ARCN1: variants seen among roughly 807,000 people sequenced by gnomAD.
ARCN1 encodes the protein coatomer subunit delta.
A neutral mutation model predicts 60.4 loss-of-function variants in ARCN1; 5 were observed. The observed-to-expected ratio is 0.08, with a 90% CI of 0.04 to 0.17. The LOEUF (loss-of-function observed/expected upper bound fraction) is 0.17, where lower values mean the gene tolerates loss of function less well. Among genes scored for constraint, ARCN1 ranks in the 10% least tolerant of loss-of-function variants. ARCN1 has a pLI of 1.00. For synonymous variants in ARCN1, 224 were observed against 220.0 expected, an observed-to-expected ratio of 1.02 and a Z score of -0.16; for missense variants, 464 against 626.5, an observed-to-expected ratio of 0.74 and a Z score of 2.77.
intron 1 of ARCN1, among the ~76,000 whole-genome samples, chr11:118,578,874 CTTTTTTTTTTTTTTTT>C (rs56050047): frequency 1.1e-4 from 9 of 83,454 alleles, no homozygotes; most frequent in Non-Finnish European, 1.8e-4. Flanking sequence ...CCCCGTCTCT[CTTTTTTTTTTTTTTTT>C]TTTTTTTTTT....
chr11:118,572,463 G>C lies in ARCN1; in HGVS notation c.-85G>C. The C allele has an allele frequency of 1.3e-6, 2 of 1,495,182 alleles. No individual in the cohort carries two copies. The highest frequency in any genetic ancestry group is 9.2e-7 in the Non-Finnish European group (1 of 1,090,538). 92.6% of individuals were successfully genotyped at this position (1,495,182 alleles called of 1,614,324 possible). A position where few individuals can be genotyped will look rare whatever the true frequency, so the allele number is the denominator to read the frequency against. ...TCCTGTCAAGGGGGCAGCAGGTCCA[G>C]AGCTGCTGGTGCTCCCGTTCCCCAG... On this transcript the variant is annotated 5_prime_UTR_variant, in exon 1 of 10. Transcript: ENST00000264028.
At chr11:118,589,628 A>G (rs1282307460) in intron 5 of ARCN1, among the ~76,000 whole-genome samples, 1 of 152,110 alleles carries the variant, frequency 6.6e-6, no homozygotes. Flanking sequence ...TCACCATGTT[A>G]GCCAGGATGG....
Position 118,584,473 on chromosome 11 carries a change from C to G in ARCN1, c.654-7C>G, listed in dbSNP as rs1355383673. The G allele has an allele frequency of 5.0e-6, 8 of 1,596,222 alleles. No individual in the cohort carries two copies. The Admixed American group carries it at 5.5e-5, about 11-fold the overall frequency. On this transcript the variant is annotated splice_region_variant and splice_polypyrimidine_tract_variant and intron_variant, in intron 4 of 9. Coordinates refer to ENST00000264028, the MANE Select transcript of ARCN1 (RefSeq NM_001655.5). The stretch of plus-strand genomic sequence containing the variant: ...TTGGGTAATGAATTTCAAATTCTTC[C>G]ACTTAGGCCTTCAGGCCCCAGCAAG...
intron 1 of ARCN1, among the ~76,000 whole-genome samples, chr11:118,578,357 T>C (rs1938572312): frequency 6.6e-6 from 1 of 152,156 alleles, no homozygotes; most frequent in Admixed American, 6.5e-5. Context: ...CCTGTAAACA[T>C]TGTTTCTAAC....
At chr11:118,597,288 A>C (rs1939047123) in intron 8 of ARCN1, among the ~76,000 whole-genome samples, 1 of 152,128 alleles carries the variant, frequency 6.6e-6, no homozygotes, top group Non-Finnish European at 1.5e-5. Context: ...TTCCCCCACT[A>C]TTATCAATCT....
At chr11:118,583,031 ACT>A (rs1938695481) in intron 2 of ARCN1, 146 bp from the exon 3 acceptor site, 1 of 908,506 alleles carries the variant, frequency 1.1e-6, no homozygotes, top group Non-Finnish European at 1.6e-6. Flanking sequence ...GCAGAGCGAG[ACT>A]CTGTCCCAAA....
intron 5 of ARCN1, among the ~76,000 whole-genome samples, chr11:118,587,459 A>G (rs2135546621): frequency 6.6e-6 from 1 of 152,296 alleles, no homozygotes; most frequent in Non-Finnish European, 1.5e-5. Flanking sequence ...TATTTTGGAG[A>G]TAAGAATCTC....
intron 1 of ARCN1, among the ~76,000 whole-genome samples, chr11:118,579,488 C>G (rs1195372128): frequency 6.7e-6 from 1 of 149,360 alleles, no homozygotes; most frequent in Non-Finnish European, 1.5e-5. Context: ...CCTGGCCAAC[C>G]AACATGGTGA....
chr11:118,589,415 G>C (rs1298083162), intron 5 of ARCN1, among the ~76,000 whole-genome samples: 1 of 150,978 alleles, frequency 6.6e-6, no homozygotes, highest in Non-Finnish European at 1.5e-5. Flanking sequence ...CATTCGGGTG[G>C]ATATGCCTTT....
chr11:118,583,490 A>G (rs1938706006), intron 3 of ARCN1, 132 bp downstream of exon 3: 2 of 1,132,070 alleles, frequency 1.8e-6, no homozygotes, highest in Admixed American at 3.0e-5. Context: ...ACAGTGGCTC[A>G]TGTCTGTAAT....
At chr11:118,592,327 G>C (rs1938929977) in intron 6 of ARCN1, among the ~76,000 whole-genome samples, 1 of 152,176 alleles carries the variant, frequency 6.6e-6, no homozygotes, top group South Asian at 2.1e-4. Flanking sequence ...CAGAACTGCT[G>C]TCTGACCCAG....
intron 5 of ARCN1, 30 bp from the exon 6 acceptor site, chr11:118,590,311 C>T: frequency 1.3e-6 from 2 of 1,593,568 alleles, no homozygotes; most frequent in African/African-American, 1.3e-5. Flanking sequence ...TTCTACCTTT[C>T]TGAACAAATG....
Position 118,601,378 on chromosome 11 carries a change from C to A in ARCN1, c.*664C>A. Reference sequence around the variant, plus strand: ...TGCCCAGCTGCTCCTTTATTTTAATCCCTAAATATAATCCCTAAATATAGT... The same window carrying A: ...TGCCCAGCTGCTCCTTTATTTTAATACCTAAATATAATCCCTAAATATAGT... On this transcript the variant is annotated 3_prime_UTR_variant, in exon 10 of 10. Transcript: ENST00000264028. 1 of 532,000 alleles carries A rather than the reference C, an allele frequency of 1.9e-6. No homozygotes were observed. The highest frequency in any genetic ancestry group is 3.5e-6 in the Non-Finnish European group (1 of 287,296). The allele number at this position is 532,000 out of a possible 1,614,324, so 33.0% of individuals were successfully genotyped here.
At chr11:118,599,526 A>G (rs1211703965) in intron 9 of ARCN1, among the ~76,000 whole-genome samples, 1 of 151,886 alleles carries the variant, frequency 6.6e-6, no homozygotes, top group Non-Finnish European at 1.5e-5. Flanking sequence ...CCCAGGTTCA[A>G]GTGATTCTCC....
At chr11:118,572,647 G>T in intron 1 of ARCN1, 97 bp downstream of exon 1, 1 of 1,494,202 alleles carries the variant, frequency 6.7e-7, no homozygotes, top group East Asian at 2.5e-5. Context: ...GCCCCGCCCT[G>T]AGGGTCTAGG....
chr11:118,589,755 A>G (rs1347045427), intron 5 of ARCN1, among the ~76,000 whole-genome samples: 1 of 152,132 alleles, frequency 6.6e-6, no homozygotes, highest in African/African-American at 2.4e-5. Context: ...CTATTGGCAG[A>G]CATGTTTCTA....
intron 2 of ARCN1, among the ~76,000 whole-genome samples, chr11:118,581,742 C>T (rs1476705035): frequency 1.3e-5 from 2 of 152,128 alleles, no homozygotes; most frequent in African/African-American, 2.4e-5. Flanking sequence ...AGTTCTTAAG[C>T]AGTTGTTCTA....
chr11:118,584,695 A>C (rs1555075218), intron 5 of ARCN1, 51 bp downstream of exon 5: 5 of 1,441,130 alleles, frequency 3.5e-6, no homozygotes, highest in Non-Finnish European at 4.6e-6. Flanking sequence ...AGTCCACATA[A>C]TTTTTTAAAA....
rs144108474 is a variant in ARCN1, at chr11:118,600,645, A to G, written c.1467A>G (p.Val489=). 1,471 of 1,612,336 alleles carry G rather than the reference A, an allele frequency of 9.1e-4. 13 individuals are homozygous for G. The East Asian group carries it at 0.012, about 13-fold the overall frequency. The change falls in exon 10 of 10, where the codon GTA becomes GTG. Residue 489 remains valine (V), a synonymous_variant. Coordinates refer to ENST00000264028, the MANE Select transcript of ARCN1 (RefSeq NM_001655.5). Reference sequence around the variant, plus strand: ...CCTAGGTTACCAAAGTGACCCAGGTAGATGGAAACAGCCCCGTCAGGTTTT... The same window carrying G: ...CCTAGGTTACCAAAGTGACCCAGGTGGATGGAAACAGCCCCGTCAGGTTTT... ...CNIQVTKVTQ[V]DGNSPVRFST... is the part of the protein sequence containing the mutation.
Sources: allele counts gnomAD v4.1 joint callset (sites outside exome capture counted in the v4.1 genomes callset), GRCh38; gene constraint gnomAD v4.1.1; transcripts MANE v1.5; gene names NCBI Gene and HGNC (gene_info 2026-07-23, HGNC 2026-07-21).